The following NAA11 variants were observed in gnomAD, a reference collection of about 807,000 sequenced individuals.
NAA11 encodes the protein N-alpha-acetyltransferase 11, NatA catalytic subunit.
Under a neutral mutation model 16.1 loss-of-function variants are expected in NAA11, and 15 were observed. The ratio of observed to expected loss-of-function variants is 0.93; its 90% CI spans 0.62 to 1.44. The LOEUF is 1.44. Among genes scored for constraint, NAA11 ranks in the 40% most tolerant of loss-of-function variants. The probability of loss-of-function intolerance (pLI) is 0.00; values close to 1 mark genes in which losing one functional copy is unlikely to be tolerated. For missense variants in NAA11, 298 were observed against 291.3 expected (o/e 1.02, Z -0.17); for synonymous variants, 122 against 112.4 (o/e 1.09, Z -0.54).
chr4:79,323,000 T>C (rs987174941), intron 1 of NAA11, among the ~76,000 whole-genome samples: 1 of 152,190 alleles, frequency 6.6e-6, no homozygotes, highest in Non-Finnish European at 1.5e-5. Context: ...AAAAGTCCAT[T>C]TATTCTTAAA....
chr4:79,216,967 T>C, the NAA11 span, among the ~76,000 whole-genome samples: 24 of 152,336 alleles, frequency 1.6e-4, no homozygotes, highest in South Asian at 4.8e-3. Flanking sequence ...CCTCATGCTC[T>C]CCTCCGTACC....
At chr4:79,258,919 CCT>C in intron 2 of NAA11, 1 of 198,352 alleles carries the variant, frequency 5.0e-6, no homozygotes, top group South Asian at 7.6e-5. Context: ...TCCAGGGCCT[CCT>C]CTCTGCTGAG....
chr4:79,265,092 C>G (rs1338100281), intron 2 of NAA11, among the ~76,000 whole-genome samples: 1 of 152,194 alleles, frequency 6.6e-6, no homozygotes, highest in Non-Finnish European at 1.5e-5. Flanking sequence ...ATCCCATCCT[C>G]CCAGTTGGTC....
downstream of NAA11, among the ~76,000 whole-genome samples, chr4:79,224,289 C>A (rs967461798): frequency 2.6e-5 from 4 of 152,100 alleles, no homozygotes; most frequent in African/African-American, 9.7e-5. Context: ...AGGCAAGTCA[C>A]AAAATTCAAT....
At chr4:79,209,358 A>G in the NAA11 span, among the ~76,000 whole-genome samples, 5 of 152,178 alleles carry the variant, frequency 3.3e-5, no homozygotes, top group African/African-American at 7.2e-5. Flanking sequence ...TTCCTAAACA[A>G]GAAGTCTTCA....
In NAA11 at chr4:79,325,270, C is replaced by T. The variant is rs1196647814; in HGVS notation, c.608G>A (p.Gly203Asp). 6.2e-7 allele frequency: 1 copy of T among 1,613,650 alleles called. No homozygotes were observed. Among genetic ancestry groups the T allele is most frequent in the Non-Finnish European group, 8.5e-7 (1 of 1,179,798 alleles). The change falls in exon 1 of 2, where the codon GGC (glycine) becomes GAC (aspartate). Residue 203 changes from glycine (G) to aspartate (D), a missense_variant. Physicochemically the swap from Gly to Asp is moderately conservative, Grantham distance 94. Coordinates refer to ENST00000286794, the MANE Select transcript of NAA11 (RefSeq NM_032693.3). The part of the protein sequence containing the change: ...QQKNPATEES[G>D]SDSKEPKESV... ...CTCCTTAGGTTCTTTGCTGTCACTG[C>T]CACTTTCTTCGGTAGCCGGGTTCTT...
chr4:79,306,214 G>T (rs889718814), intron 1 of NAA11, among the ~76,000 whole-genome samples: 4 of 152,192 alleles, frequency 2.6e-5, no homozygotes, highest in Admixed American at 2.0e-4. Context: ...ACAAGAAAGA[G>T]AACTGTATTG....
the NAA11 span, among the ~76,000 whole-genome samples, chr4:79,160,200 C>A: frequency 6.6e-6 from 1 of 152,068 alleles, no homozygotes; most frequent in Admixed American, 6.5e-5. Flanking sequence ...CCACATTGGC[C>A]AGGCTGGTCT....
the NAA11 span, among the ~76,000 whole-genome samples, chr4:79,160,178 G>T: frequency 2.0e-5 from 3 of 152,000 alleles, no homozygotes; most frequent in Non-Finnish European, 2.9e-5. Flanking sequence ...TTTTAGTAGA[G>T]ATGGGGTTTC....
intron 2 of NAA11, among the ~76,000 whole-genome samples, chr4:79,293,445 G>T (rs1426588947): frequency 6.6e-6 from 1 of 152,148 alleles, no homozygotes; most frequent in Non-Finnish European, 1.5e-5. Context: ...GACAGACACT[G>T]CTCTAAAAAC....
At chr4:79,256,569 G>A (rs1722109950) in intron 2 of NAA11, among the ~76,000 whole-genome samples, 1 of 150,656 alleles carries the variant, frequency 6.6e-6, no homozygotes, top group South Asian at 2.1e-4. Flanking sequence ...GATGCTCAGT[G>A]ATTAGATCCA....
At chr4:79,202,350 A>T in the NAA11 span, among the ~76,000 whole-genome samples, 1 of 150,468 alleles carries the variant, frequency 6.6e-6, no homozygotes, top group African/African-American at 2.4e-5. Flanking sequence ...TTCTAATACC[A>T]TTTTCCTCAT....
chr4:79,155,653 C>G, the NAA11 span, among the ~76,000 whole-genome samples: 7 of 152,164 alleles, frequency 4.6e-5, no homozygotes, highest in African/African-American at 1.2e-4. Context: ...GGCAAAAACA[C>G]GTGTTGCCAA....
chr4:79,238,145 A>G (rs1721613905), intron 2 of NAA11, among the ~76,000 whole-genome samples: 1 of 152,184 alleles, frequency 6.6e-6, no homozygotes, highest in Non-Finnish European at 1.5e-5. Flanking sequence ...GAATTTTAGC[A>G]TTGTCTTTAG....
the NAA11 span, among the ~76,000 whole-genome samples, chr4:79,202,221 A>G: frequency 6.6e-6 from 1 of 151,532 alleles, no homozygotes; most frequent in Non-Finnish European, 1.5e-5. Context: ...ATGAATGGAT[A>G]AAGAAAATGT....
downstream of NAA11, among the ~76,000 whole-genome samples, chr4:79,313,273 C>A (rs1209349272): frequency 6.6e-6 from 1 of 152,058 alleles, no homozygotes; most frequent in Non-Finnish European, 1.5e-5. Context: ...TTTACACTAA[C>A]TCATTACACA....
At chr4:79,210,981 A>G in the NAA11 span, among the ~76,000 whole-genome samples, 1 of 152,198 alleles carries the variant, frequency 6.6e-6, no homozygotes, top group Admixed American at 6.6e-5. Context: ...AGTAGTCATT[A>G]TACACATTTG....
chr4:79,244,389 T>C (rs1213059329), intron 2 of NAA11, among the ~76,000 whole-genome samples: 1 of 152,210 alleles, frequency 6.6e-6, no homozygotes, highest in Non-Finnish European at 1.5e-5. Context: ...CATTGCCCAA[T>C]TTTTCATTTA....
At chr4:79,159,883 T>C in the NAA11 span, among the ~76,000 whole-genome samples, 1 of 152,190 alleles carries the variant, frequency 6.6e-6, no homozygotes, top group African/African-American at 2.4e-5. Context: ...TGTCAGTTTT[T>C]TTCTTCTTTT....
Sources: allele counts gnomAD v4.1 joint callset (sites outside exome capture counted in the v4.1 genomes callset), GRCh38; gene constraint gnomAD v4.1.1; transcripts MANE v1.5; gene names NCBI Gene and HGNC (gene_info 2026-07-23, HGNC 2026-07-21).